The following VEPH1 variants were observed in gnomAD, a reference collection of about 807,000 sequenced individuals.
VEPH1 encodes the protein ventricular zone-expressed PH domain-containing protein homolog 1.
A neutral mutation model predicts 85.2 loss-of-function variants in VEPH1; 80 were observed. That is an observed-to-expected ratio of 0.94 (90% CI 0.78 to 1.13). The LOEUF is 1.13. Ranked by LOEUF, VEPH1 falls within the 50% of genes most tolerant of loss-of-function variation. VEPH1 has a pLI of 0.00. For missense variants in VEPH1, 955 were observed against 980.5 expected, an observed-to-expected ratio of 0.97 and a Z score of 0.35; for synonymous variants, 297 against 348.0, an observed-to-expected ratio of 0.85 and a Z score of 1.63.
intron 11 of VEPH1, among the ~76,000 whole-genome samples, chr3:157,296,074 T>G (rs1718097947): frequency 6.6e-6 from 1 of 152,196 alleles, no homozygotes; most frequent in Admixed American, 6.5e-5. Flanking sequence ...AAACATAACA[T>G]TAAGTGCAGA....
At chr3:157,493,710 C>A (rs1011714522) in intron 2 of VEPH1, among the ~76,000 whole-genome samples, 26 of 152,142 alleles carry the variant, frequency 1.7e-4, no homozygotes, top group African/African-American at 6.3e-4. Flanking sequence ...GCCTTAATGG[C>A]TAACCAGTGG....
At chr3:157,451,480 A>T (rs1734961307) in intron 4 of VEPH1, among the ~76,000 whole-genome samples, 1 of 152,204 alleles carries the variant, frequency 6.6e-6, no homozygotes, top group South Asian at 2.1e-4. Context: ...CTTAATGTAA[A>T]ACTAAACATT....
chr3:157,326,697 C>G (rs1349311574), intron 9 of VEPH1, among the ~76,000 whole-genome samples: 1 of 152,132 alleles, frequency 6.6e-6, no homozygotes, highest in Non-Finnish European at 1.5e-5. Context: ...AAGTGTAAAG[C>G]CATCAGAAGT....
intron 2 of VEPH1, among the ~76,000 whole-genome samples, chr3:157,472,361 A>G (rs1737044340): frequency 6.6e-6 from 1 of 152,198 alleles, no homozygotes; most frequent in Non-Finnish European, 1.5e-5. Flanking sequence ...TAAATAGCTA[A>G]CCTAATCTTC....
chr3:157,413,415 T>C, intron 6 of VEPH1: 1 of 960,308 alleles, frequency 1.0e-6, no homozygotes, highest in Non-Finnish European at 1.2e-6. Context: ...TGGGCTCTCA[T>C]TAAAGGGTAG....
intron 4 of VEPH1, among the ~76,000 whole-genome samples, chr3:157,450,586 T>A (rs1734893193): frequency 1.4e-5 from 2 of 146,854 alleles, no homozygotes; most frequent in South Asian, 4.2e-4. Flanking sequence ...ATATATATAT[T>A]TATATATATA....
chr3:157,281,126 AAGAC>A (rs145986238), intron 12 of VEPH1, among the ~76,000 whole-genome samples: 34,844 of 150,394 alleles, frequency 0.23, 4,102 homozygotes, highest in Non-Finnish European at 0.27. Flanking sequence ...GAGACAGAGA[AAGAC>A]AGAGAGAGAA....
In VEPH1 at chr3:157,357,771, A is replaced by G. The variant is rs532813665; in HGVS notation, c.1735+5593T>C. ...GCCTCCCAAAGTGTTGGGATTATGT[A>G]ATAGGCATGAGCCACTGCATCCGGC... On this transcript the variant is annotated intron_variant, in intron 9 of 13. Coordinates refer to ENST00000362010, the MANE Select transcript of VEPH1 (RefSeq NM_001167912.2). 1.2e-3 allele frequency among the ~76,000 whole-genome samples: 185 copies of G among 152,272 alleles called. 1 individual carries two copies. Among genetic ancestry groups the G allele is most frequent in the African/African-American group, 3.8e-3 (160 of 41,566 alleles).
chr3:157,370,258 G>T (rs1306059454), intron 7 of VEPH1, among the ~76,000 whole-genome samples: 1 of 152,128 alleles, frequency 6.6e-6, no homozygotes, highest in Non-Finnish European at 1.5e-5. Flanking sequence ...TAAGCGGGGA[G>T]ATGAGACTAT....
At chr3:157,475,810 C>T (rs1477832391) in intron 2 of VEPH1, among the ~76,000 whole-genome samples, 2 of 152,322 alleles carry the variant, frequency 1.3e-5, no homozygotes, top group Admixed American at 1.3e-4. Context: ...AGAGAACATT[C>T]TCCCAACGGT....
intron 7 of VEPH1, among the ~76,000 whole-genome samples, chr3:157,380,768 C>T (rs751322739): frequency 6.6e-6 from 1 of 152,206 alleles, no homozygotes; most frequent in Non-Finnish European, 1.5e-5. Flanking sequence ...AGTCAGTGAG[C>T]TTCTTGAATA....
chr3:157,380,024 G>C (rs139305064), intron 7 of VEPH1, among the ~76,000 whole-genome samples: 2 of 152,216 alleles, frequency 1.3e-5, no homozygotes, highest in Non-Finnish European at 2.9e-5. Context: ...ATTCAAACCA[G>C]AGCAAAAACA....
intron 5 of VEPH1, among the ~76,000 whole-genome samples, chr3:157,424,233 C>G (rs970476651): frequency 5.9e-5 from 9 of 152,190 alleles, no homozygotes; most frequent in Non-Finnish European, 1.3e-4. Context: ...CTTACTGCCA[C>G]CATGTAAGAA....
chr3:157,322,114 C>T (rs1237752843), intron 9 of VEPH1, among the ~76,000 whole-genome samples: 1 of 152,260 alleles, frequency 6.6e-6, no homozygotes. Context: ...AACTCCCCAT[C>T]TTCCTCTCCC....
At chr3:157,263,024 G>A (rs1454570448) in intron 13 of VEPH1, among the ~76,000 whole-genome samples, 1 of 152,164 alleles carries the variant, frequency 6.6e-6, no homozygotes, top group African/African-American at 2.4e-5. Context: ...GGACACTATT[G>A]CCTAGCTAGT....
At chr3:157,267,327 C>T (rs1362842448) in intron 12 of VEPH1, among the ~76,000 whole-genome samples, 3 of 148,238 alleles carry the variant, frequency 2.0e-5, no homozygotes, top group Non-Finnish European at 4.5e-5. Context: ...AAACTCCTGG[C>T]CTCAGGTGAT....
intron 4 of VEPH1, among the ~76,000 whole-genome samples, chr3:157,435,479 A>G (rs55689433): frequency 0.1 from 15,783 of 152,236 alleles, 1,280 homozygotes; most frequent in South Asian, 0.24. Flanking sequence ...GTGCTAGGGC[A>G]GAGTGGGATT....
chr3:157,463,285 A>C (rs1736048145), intron 3 of VEPH1, among the ~76,000 whole-genome samples: 1 of 152,222 alleles, frequency 6.6e-6, no homozygotes, highest in African/African-American at 2.4e-5. Context: ...GGCAGAGAAA[A>C]TAGGTACTCC....
intron 9 of VEPH1, among the ~76,000 whole-genome samples, chr3:157,355,969 C>T (rs978280098): frequency 1.3e-5 from 2 of 151,500 alleles, no homozygotes; most frequent in African/African-American, 2.4e-5. Flanking sequence ...GTGCAGTCAC[C>T]GCTCACTGCA....
Sources: allele counts gnomAD v4.1 joint callset (sites outside exome capture counted in the v4.1 genomes callset), GRCh38; gene constraint gnomAD v4.1.1; transcripts MANE v1.5; gene names NCBI Gene and HGNC (gene_info 2026-07-23, HGNC 2026-07-21).